PIAS1: variants seen among roughly 807,000 people sequenced by gnomAD.
PIAS1 encodes protein inhibitor of activated STAT 1.
PIAS1 carries 6 observed loss-of-function variants against 71.3 expected under a neutral mutation model. The observed-to-expected ratio is 0.08, with a 90% CI of 0.05 to 0.17. The LOEUF (loss-of-function observed/expected upper bound fraction) is 0.17, where lower values mean the gene tolerates loss of function less well. Ranked by LOEUF, PIAS1 falls within the 10% of genes least tolerant of loss-of-function variation. The pLI is 1.00. For synonymous variants in PIAS1, 303 were observed against 292.9 expected, an observed-to-expected ratio of 1.03 and a Z score of -0.35; for missense variants, 555 against 793.6, an observed-to-expected ratio of 0.70 and a Z score of 3.61.
At chr15:68,181,134 G>A in intron 11 of PIAS1, 78 bp from the exon 12 acceptor site, 1 of 1,265,292 alleles carries the variant, frequency 7.9e-7, no homozygotes, top group Non-Finnish European at 1.1e-6. Flanking sequence ...GGTTCATTGT[G>A]AGATACAACC....
intron 1 of PIAS1, among the ~76,000 whole-genome samples, chr15:68,074,495 C>G (rs1446467815): frequency 6.6e-6 from 1 of 152,136 alleles, no homozygotes; most frequent in Non-Finnish European, 1.5e-5. Flanking sequence ...CTTTTAAGAA[C>G]ATTGGCTGCA....
chr15:68,116,701 A>AT (rs1324624246), intron 2 of PIAS1, among the ~76,000 whole-genome samples: 3 of 151,662 alleles, frequency 2.0e-5, no homozygotes, highest in Non-Finnish European at 4.4e-5. Flanking sequence ...TTTTTCTAAT[A>AT]TAGGCATTTT....
At chr15:68,118,307 C>A (rs754707522) in intron 2 of PIAS1, among the ~76,000 whole-genome samples, 1 of 144,272 alleles carries the variant, frequency 6.9e-6, no homozygotes, top group Admixed American at 7.0e-5. Flanking sequence ...GATGACAGAA[C>A]GAGTGTCTGT....
chr15:68,061,486 C>T (rs1330808503), intron 1 of PIAS1: 2 of 152,126 alleles, frequency 1.3e-5, no homozygotes, highest in Non-Finnish European at 2.9e-5. Context: ...TTCTAAAATT[C>T]GTCAAAATGA....
At chr15:68,127,597 A>G (rs963407023) in intron 2 of PIAS1, among the ~76,000 whole-genome samples, 5 of 151,890 alleles carry the variant, frequency 3.3e-5, no homozygotes, top group Admixed American at 3.3e-4. Flanking sequence ...CTTTCTCCTC[A>G]TTTGGGTTTA....
At position 68,185,333 on chromosome 15, in the gene PIAS1, T is replaced by G. The variant is rs2093080932; in HGVS notation, c.1662+1666T>G. On this transcript the variant is annotated intron_variant, in intron 13 of 13. Transcript: ENST00000249636. This position sits in a 1 kb window ranked among gnomAD's most constrained non-coding sequence, Gnocchi z 4.4. ...CATGGACTGATGTCACCAAGGAGTA[T>G]GTGAATGACATCTAGAAGACACTGA... is the stretch of plus-strand genomic sequence containing the variant. Among the ~76,000 whole-genome samples the G allele has an allele frequency of 6.6e-6, 1 of 151,934 alleles. No individual in the cohort carries two copies. Among genetic ancestry groups the G allele is most frequent in the South Asian group, 2.1e-4 (1 of 4,828 alleles).
intron 2 of PIAS1, among the ~76,000 whole-genome samples, chr15:68,091,487 T>C (rs976445777): frequency 2.0e-5 from 3 of 152,194 alleles, no homozygotes; most frequent in Admixed American, 6.5e-5. Context: ...TAGCTATTTA[T>C]ATCTTCCTTG....
At chr15:68,111,498 G>A (rs567146498) in intron 2 of PIAS1, among the ~76,000 whole-genome samples, 4 of 152,200 alleles carry the variant, frequency 2.6e-5, no homozygotes, top group South Asian at 2.1e-4. Flanking sequence ...CTAATTAGAG[G>A]TATGAATTGG....
intron 2 of PIAS1, among the ~76,000 whole-genome samples, chr15:68,103,607 C>G (rs2092446491): frequency 6.6e-6 from 1 of 152,154 alleles, no homozygotes; most frequent in African/African-American, 2.4e-5. Flanking sequence ...TTATCAATCA[C>G]TCTTTAGTGC....
At chr15:68,157,466 C>CA (rs927250933) in intron 7 of PIAS1, among the ~76,000 whole-genome samples, 75 of 152,330 alleles carry the variant, frequency 4.9e-4, no homozygotes, top group African/African-American at 1.7e-3. Flanking sequence ...CACTGCATCT[C>CA]ATTATGGTCT....
intron 11 of PIAS1, among the ~76,000 whole-genome samples, chr15:68,180,374 G>A (rs960369028): frequency 6.6e-6 from 1 of 152,006 alleles, no homozygotes; most frequent in African/African-American, 2.4e-5. Flanking sequence ...GGGGATTACA[G>A]GAATGAGCCA....
rs10518758 is a variant in PIAS1, at chr15:68,174,755, G to A, written c.1169+863G>A. On this transcript the variant is annotated intron_variant, in intron 9 of 13. Coordinates refer to ENST00000249636, the MANE Select transcript of PIAS1 (RefSeq NM_016166.3). This position sits in a 1 kb window ranked among gnomAD's most constrained non-coding sequence, Gnocchi z 4.0. The stretch of plus-strand genomic sequence containing the variant: ...TTTAAGAAAACATAGGAGCCTAAAG[G>A]TGGTAATATCAGAAATTAAGTATAT... Among the ~76,000 whole-genome samples the A allele has an allele frequency of 0.033, 4,987 of 152,262 alleles. 108 individuals carry two copies. Among genetic ancestry groups the A allele is most frequent in the Non-Finnish European group, 0.051 (3,488 of 68,018 alleles).
intron 1 of PIAS1, among the ~76,000 whole-genome samples, chr15:68,073,039 G>A (rs1301820111): frequency 1.3e-5 from 2 of 151,958 alleles, no homozygotes; most frequent in African/African-American, 4.8e-5. Flanking sequence ...TTTTTGAGAT[G>A]GAGTCTTGCT....
At chr15:68,146,059 G>A (rs1470865011) in intron 5 of PIAS1, among the ~76,000 whole-genome samples, 153 bp downstream of exon 5, 1 of 152,158 alleles carries the variant, frequency 6.6e-6, no homozygotes, top group Non-Finnish European at 1.5e-5. Context: ...TACCAACTAT[G>A]TACAGTTAGC....
rs551313344 is a variant in PIAS1 at position 68,173,985 on chromosome 15, T to C, written c.1169+93T>C. 7.7e-6 allele frequency: 6 copies of C among 780,884 alleles called. No homozygotes were observed. Among genetic ancestry groups the C allele is most frequent in the East Asian group, 3.2e-5 (1 of 31,006 alleles). 48.4% of individuals were successfully genotyped at this position (780,884 alleles called of 1,614,324 possible). A position where few individuals can be genotyped will look rare whatever the true frequency, so the allele number is the denominator to read the frequency against. Reference sequence around the variant, plus strand: ...GATTTGGGATGAAAATTCTAAGTTATATATTTGTAGGATTTTTGTGAGTCT... The same window carrying C: ...GATTTGGGATGAAAATTCTAAGTTACATATTTGTAGGATTTTTGTGAGTCT... On this transcript the variant is annotated intron_variant, in intron 9 of 13. Coordinates refer to ENST00000249636, the MANE Select transcript of PIAS1 (RefSeq NM_016166.3). This position sits in a 1 kb window ranked among gnomAD's most constrained non-coding sequence, Gnocchi z 4.3.
chr15:68,161,641 C>T (rs750892560), intron 7 of PIAS1, among the ~76,000 whole-genome samples: 1 of 151,884 alleles, frequency 6.6e-6, no homozygotes, highest in African/African-American at 2.4e-5. Context: ...TATTTTAAAA[C>T]TTTTTTTGTT....
intron 8 of PIAS1, among the ~76,000 whole-genome samples, chr15:68,172,287 C>A (rs2141088400): frequency 6.6e-6 from 1 of 152,292 alleles, no homozygotes; most frequent in Non-Finnish European, 1.5e-5. Context: ...TATATATGTG[C>A]CACATTTTCT....
chr15:68,073,720 G>C (rs1297964970), intron 1 of PIAS1, among the ~76,000 whole-genome samples: 2 of 152,180 alleles, frequency 1.3e-5, no homozygotes, highest in African/African-American at 4.8e-5. Flanking sequence ...TAAAAGATTG[G>C]TTACGGTGGT....
intron 1 of PIAS1, among the ~76,000 whole-genome samples, chr15:68,059,026 A>G (rs2091927988): frequency 1.7e-5 from 2 of 114,762 alleles, no homozygotes; most frequent in Admixed American, 2.3e-4. Flanking sequence ...TTTTTTTGAG[A>G]CGGAGTCTTC....
Sources: allele counts gnomAD v4.1 joint callset (sites outside exome capture counted in the v4.1 genomes callset), GRCh38; gene constraint gnomAD v4.1.1; non-coding constraint Gnocchi (gnomAD v3.1); transcripts MANE v1.5; gene names NCBI Gene and HGNC (gene_info 2026-07-23, HGNC 2026-07-21).